ENAH: variants seen among roughly 807,000 people sequenced by gnomAD.
ENAH encodes protein enabled homolog.
In ENAH, 23 loss-of-function variants were observed where a neutral mutation model predicts 78.7. The observed-to-expected ratio is 0.29, with a 90% CI of 0.21 to 0.41. The LOEUF is 0.41. ENAH is among the 10% of genes least tolerant of loss of function. The probability of loss-of-function intolerance (pLI) is 1.00; values close to 1 mark genes in which losing one functional copy is unlikely to be tolerated. For missense variants in ENAH, 544 were observed against 691.0 expected, an observed-to-expected ratio of 0.79 and a Z score of 2.39; for synonymous variants, 226 against 241.0, an observed-to-expected ratio of 0.94 and a Z score of 0.58.
chr1:225,505,935 T>C (rs2096325113), intron 11 of ENAH, among the ~76,000 whole-genome samples: 1 of 152,132 alleles, frequency 6.6e-6, no homozygotes, highest in Admixed American at 6.5e-5. Flanking sequence ...CTATATAAAA[T>C]TATTTTCAAA....
At chr1:225,525,195 C>A (rs766267707) in intron 4 of ENAH, among the ~76,000 whole-genome samples, 18 of 152,156 alleles carry the variant, frequency 1.2e-4, no homozygotes, top group African/African-American at 4.1e-4. Flanking sequence ...TATCTACTGA[C>A]TTCCTACTAT....
intron 11 of ENAH, among the ~76,000 whole-genome samples, chr1:225,501,589 T>A (rs2096282577): frequency 6.6e-6 from 1 of 152,222 alleles, no homozygotes; most frequent in Non-Finnish European, 1.5e-5. Flanking sequence ...TTAGTGAGCA[T>A]GATTTGCTTT....
At chr1:225,589,362 T>C (rs2096864078) in intron 1 of ENAH, among the ~76,000 whole-genome samples, 1 of 152,164 alleles carries the variant, frequency 6.6e-6, no homozygotes, top group Non-Finnish European at 1.5e-5. Flanking sequence ...AATACTGACA[T>C]ACTTAGGCAA....
At chr1:225,646,715 G>A (rs1370612707) in intron 1 of ENAH, among the ~76,000 whole-genome samples, 1 of 151,968 alleles carries the variant, frequency 6.6e-6, no homozygotes, top group Non-Finnish European at 1.5e-5. Context: ...TGTGAACCCG[G>A]GAGGCAGAGC....
Position 225,512,911 on chromosome 1 carries a change from T to C in ENAH, c.1324A>G (p.Ser442Gly), listed in dbSNP as rs768781486. The change falls in exon 8 of 14, where the codon AGT (serine) becomes GGT (glycine). Residue 442 changes from serine (S) to glycine (G), a missense_variant. Transcript: ENST00000366843. ...RGNGPLPLGG[S>G]GLMEEMSALL... Reference sequence around the variant, plus strand: ...GCACTCATTTCTTCCATTAAACCACTACCCCCTAAAGGAAGGGGTCCATTT... The same window carrying C: ...GCACTCATTTCTTCCATTAAACCACCACCCCCTAAAGGAAGGGGTCCATTT... 4.3e-6 allele frequency: 7 copies of C among 1,614,050 alleles called. No homozygotes were observed. The highest frequency in any genetic ancestry group is 1.3e-5 in the African/African-American group (1 of 75,036).
intron 1 of ENAH, among the ~76,000 whole-genome samples, chr1:225,617,529 A>G (rs779528310): frequency 5.9e-5 from 9 of 152,218 alleles, no homozygotes; most frequent in Non-Finnish European, 1.2e-4. Flanking sequence ...TGGTATTAAA[A>G]AAGTATTTTT....
chr1:225,523,845 A>G (rs2096486943), intron 4 of ENAH, among the ~76,000 whole-genome samples: 2 of 152,196 alleles, frequency 1.3e-5, no homozygotes. Flanking sequence ...GCCAATTCAC[A>G]TACTGGAAAT....
Position 225,519,323 on chromosome 1 carries a change from CTCTCCCGATCCAGGCGTT to C in ENAH, c.659_676del (p.Glu220_Arg226delinsGly). On this transcript the variant is annotated inframe_deletion, in exon 5 of 14. Coordinates refer to ENST00000366843, the MANE Select transcript of ENAH (RefSeq NM_018212.6). ...CCTCTCTCGTTCTTGTCTTTCTTGC[CTCTCCCGATCCAGGCGTT>C]CCTGCCGCTCCAGGCGTTCCTGCCG... 6.2e-7 allele frequency: 1 copy of C among 1,606,612 alleles called. No homozygotes were observed. The highest frequency in any genetic ancestry group is 1.1e-5 in the South Asian group (1 of 90,130).
chr1:225,597,530 A>T (rs1437699279), intron 1 of ENAH, among the ~76,000 whole-genome samples: 1 of 151,794 alleles, frequency 6.6e-6, no homozygotes, highest in African/African-American at 2.4e-5. Flanking sequence ...GGTGGTACAC[A>T]CCTGTAGTCC....
intron 11 of ENAH, 38 bp from the exon 12 acceptor site, chr1:225,501,108 TCTTAATA>T: frequency 6.7e-7 from 1 of 1,496,382 alleles, no homozygotes; most frequent in South Asian, 1.2e-5. Context: ...TAAACAACAT[TCTTAATA>T]CTTAATGAGT....
chr1:225,556,160 C>T (rs932584645), intron 2 of ENAH, among the ~76,000 whole-genome samples: 3 of 152,070 alleles, frequency 2.0e-5, no homozygotes, highest in East Asian at 1.9e-4. Flanking sequence ...TTAAAAATTG[C>T]GATGTTATGA....
intron 2 of ENAH, among the ~76,000 whole-genome samples, chr1:225,560,065 A>G (rs1227674784): frequency 6.6e-6 from 1 of 152,244 alleles, no homozygotes; most frequent in Non-Finnish European, 1.5e-5. Flanking sequence ...GTGGCTGTTC[A>G]GCAGCACCAT....
chr1:225,647,656 T>C (rs1405083866), intron 1 of ENAH, among the ~76,000 whole-genome samples: 1 of 152,220 alleles, frequency 6.6e-6, no homozygotes, highest in East Asian at 1.9e-4. Flanking sequence ...TTAAATTATG[T>C]TATTAACATT....
chr1:225,645,827 T>G (rs866385081), intron 1 of ENAH, among the ~76,000 whole-genome samples: 2 of 152,204 alleles, frequency 1.3e-5, no homozygotes, highest in African/African-American at 4.8e-5. Context: ...AATTATTTAG[T>G]AAATGTCAAA....
At chr1:225,615,195 G>A (rs2097019502) in intron 1 of ENAH, among the ~76,000 whole-genome samples, 2 of 152,114 alleles carry the variant, frequency 1.3e-5, no homozygotes, top group Non-Finnish European at 2.9e-5. Flanking sequence ...GGCGCGCGCC[G>A]CCACGCCTGA....
intron 1 of ENAH, among the ~76,000 whole-genome samples, chr1:225,648,997 T>A (rs1198637834): frequency 6.6e-6 from 1 of 152,110 alleles, no homozygotes; most frequent in Non-Finnish European, 1.5e-5. Context: ...GGTCGCAAGG[T>A]GGAGCCCACT....
Position 225,496,848 on chromosome 1 carries a change from G to A in ENAH, c.*927C>T, listed in dbSNP as rs969853842. The A allele has an allele frequency of 2.6e-5, 4 of 152,404 alleles. No homozygotes were observed. Among genetic ancestry groups the A allele is most frequent in the African/African-American group, 9.7e-5 (4 of 41,306 alleles). The allele number at this position is 152,404 out of a possible 1,614,324, so 9.4% of individuals were successfully genotyped here. On this transcript the variant is annotated 3_prime_UTR_variant, in exon 14 of 14. Coordinates refer to ENST00000366843, the MANE Select transcript of ENAH (RefSeq NM_018212.6). ...CTACAAAATGTTTTCCCTGGGACTA[G>A]GCCTTGAAAAGGCCACTACATATTA...
At chr1:225,571,373 AAAAAAAAAG>A (rs572003644) in intron 1 of ENAH, among the ~76,000 whole-genome samples, 89 of 151,282 alleles carry the variant, frequency 5.9e-4, no homozygotes, top group African/African-American at 2.1e-3. Context: ...ACTCTGTCTC[AAAAAAAAAG>A]AAAAAAAAGA....
chr1:225,648,726 C>A (rs964994935), intron 1 of ENAH, among the ~76,000 whole-genome samples: 1 of 148,474 alleles, frequency 6.7e-6, no homozygotes, highest in Non-Finnish European at 1.5e-5. Flanking sequence ...TGACACTTCA[C>A]AAAACAATCC....
Sources: gnomAD v4.1 joint callset for allele counts (sites outside exome capture counted in the v4.1 genomes callset) on GRCh38, gnomAD v4.1.1 for gene constraint, MANE v1.5 for transcripts, NCBI Gene and HGNC (gene_info 2026-07-23, HGNC 2026-07-21) for gene names.